STX1B: variants seen among roughly 807,000 people sequenced by gnomAD.
The protein encoded by STX1B is syntaxin-1B.
Under a neutral mutation model 39.4 loss-of-function variants are expected in STX1B, and 7 were observed. The ratio of observed to expected loss-of-function variants is 0.18; its 90% CI spans 0.10 to 0.33. STX1B has a LOEUF of 0.33. STX1B is among the 10% of genes least tolerant of loss of function. The pLI, the probability that STX1B is intolerant of heterozygous loss-of-function variation, is 1.00. For missense variants in STX1B, 198 were observed against 383.2 expected (o/e 0.52, Z 4.04); for synonymous variants, 136 against 144.1 (o/e 0.94, Z 0.40).
rs2056533907 is a variant in STX1B, at chr16:30,989,320, G to C, written c.*3501C>G. On this transcript the variant is annotated 3_prime_UTR_variant, in exon 10 of 10. Transcript: ENST00000215095. ...GGCCTGACCTGGCCCAGGGTGGGGT[G>C]GGGGGCTCTGGGGACAGGACATGCA... The C allele has an allele frequency of 6.6e-6, 1 of 152,256 alleles. No individual in the cohort carries two copies. The highest frequency in any genetic ancestry group is 2.4e-5 in the African/African-American group (1 of 41,422). The allele number at this position is 152,256 out of a possible 1,614,324, so 9.4% of individuals were successfully genotyped here.
intron 7 of STX1B, among the ~76,000 whole-genome samples, chr16:30,995,658 T>C (rs1351274966): frequency 6.6e-6 from 1 of 151,760 alleles, no homozygotes; most frequent in Non-Finnish European, 1.5e-5. Flanking sequence ...GCCCGGCTAA[T>C]TTTTGTATTT....
intron 1 of STX1B, among the ~76,000 whole-genome samples, chr16:31,005,821 C>T (rs1053686774): frequency 2.0e-5 from 3 of 152,152 alleles, no homozygotes; most frequent in African/African-American, 4.8e-5. Flanking sequence ...CCCCTGAGCC[C>T]CTTCCAGAAG....
At chr16:30,998,134 C>T (rs565214914) in intron 4 of STX1B, among the ~76,000 whole-genome samples, 6 of 152,212 alleles carry the variant, frequency 3.9e-5, no homozygotes, top group African/African-American at 9.6e-5. Flanking sequence ...AGGTGATCCC[C>T]GATCCGGGAA....
At chr16:30,997,188 G>C (rs2056598562) in intron 5 of STX1B, 129 bp from the exon 6 acceptor site, 1 of 690,658 alleles carries the variant, frequency 1.4e-6, no homozygotes, top group Non-Finnish European at 2.6e-6. Flanking sequence ...CGCTGAATTA[G>C]TTTACGGTCC....
chr16:31,004,077 C>T (rs377457156), intron 1 of STX1B, among the ~76,000 whole-genome samples: 4 of 152,310 alleles, frequency 2.6e-5, no homozygotes, highest in African/African-American at 7.2e-5. Context: ...TCTCAGTGAG[C>T]GCCTGCTAAG....
Position 30,997,596 on chromosome 16 carries a change from C to T in STX1B, c.281-21G>A, listed in dbSNP as rs747176493. On this transcript the variant is annotated intron_variant, in intron 4 of 9. Transcript: ENST00000215095. ...GATCGCTGCGGGAGAGAGGGCGCAG[C>T]GATGGGCGGGAGACCCGGGGCACAT... is the stretch of plus-strand genomic sequence containing the variant. 12 of 1,595,038 alleles carry T rather than the reference C, an allele frequency of 7.5e-6. No homozygotes were observed. The African/African-American group carries it at 1.1e-4, about 14-fold the overall frequency.
At chr16:30,992,969 C>T (rs1280252898) in intron 9 of STX1B, 68 bp from the exon 10 acceptor site, 3 of 1,417,124 alleles carry the variant, frequency 2.1e-6, no homozygotes, top group Non-Finnish European at 3.0e-6. Flanking sequence ...GATGCAGGGA[C>T]AGACAGGGCA....
Position 30,993,617 on chromosome 16 carries a change from G to A in STX1B, c.538-133C>T, listed in dbSNP as rs76676073. ...TAGGCACATTATTCACCTGCTCTTG[G>A]CCTCAGTTTCCCCACCTAGAAAATG... On this transcript the variant is annotated intron_variant, in intron 7 of 9. Coordinates refer to ENST00000215095, the MANE Select transcript of STX1B (RefSeq NM_052874.5). 6.1e-5 allele frequency: 62 copies of A among 1,015,534 alleles called. No homozygotes were observed. In the East Asian group the frequency reaches 1.5e-3, roughly 24 times the overall value. The allele number at this position is 1,015,534 out of a possible 1,614,324, so 62.9% of individuals were successfully genotyped here.
chr16:31,010,356 C>A lies in STX1B; in HGVS notation c.30+11G>T. 2.0e-6 allele frequency: 3 copies of A among 1,494,102 alleles called. No individual in the cohort carries two copies. Among genetic ancestry groups the A allele is most frequent in the East Asian group, 2.6e-5 (1 of 38,910 alleles). 92.6% of individuals were successfully genotyped at this position (1,494,102 alleles called of 1,614,324 possible). On this transcript the variant is annotated intron_variant, in intron 1 of 9. Transcript: ENST00000215095. ...GTCCCGCCCCCCCATTCTCCCCACC[C>A]CCAAGCTCACACTCCGCAGCTCTTG...
At chr16:30,996,397 C>T in intron 7 of STX1B, 1 of 334,716 alleles carries the variant, frequency 3.0e-6, no homozygotes. Context: ...GCCAGTTTTC[C>T]TCATCTGTGA....
At chr16:31,002,696 GAC>G (rs2056636875) in intron 1 of STX1B, among the ~76,000 whole-genome samples, 1 of 152,164 alleles carries the variant, frequency 6.6e-6, no homozygotes. Flanking sequence ...ACAGAGGTCT[GAC>G]AGCAAAATCT....
At position 31,001,684 on chromosome 16, in the gene STX1B, C is replaced by G; in HGVS notation, c.31-81G>C. On this transcript the variant is annotated intron_variant, in intron 1 of 9. Transcript: ENST00000215095. The surrounding 1 kb of genome is among the most constrained non-coding windows in gnomAD (Gnocchi z 5.5). Reference sequence around the variant, plus strand: ...GGCTCTCCAGCTCTCCCACCCTCTCCCTGCTATGCACACACAGGTGCTCCC... The same window carrying G: ...GGCTCTCCAGCTCTCCCACCCTCTCGCTGCTATGCACACACAGGTGCTCCC... 8.9e-7 allele frequency: 1 copy of G among 1,126,012 alleles called. No homozygotes were observed. Among genetic ancestry groups the G allele is most frequent in the Non-Finnish European group, 1.3e-6 (1 of 764,480 alleles). 69.8% of individuals were successfully genotyped at this position (1,126,012 alleles called of 1,614,324 possible).
rs750001673 is a variant in STX1B at position 30,996,928 on chromosome 16, C to A, written c.463+23G>T. ...TGGGCAGCCTCAAGGAGTTCGGGGTCCTGGGGTGGGGGGCACACGCACTGA... is the reference window on the plus strand; with the variant it reads ...TGGGCAGCCTCAAGGAGTTCGGGGTACTGGGGTGGGGGGCACACGCACTGA... On this transcript the variant is annotated intron_variant, in intron 6 of 9. Transcript: ENST00000215095. 3 of 1,603,910 alleles carry A rather than the reference C, an allele frequency of 1.9e-6. No individual in the cohort carries two copies. The South Asian group carries it at 3.3e-5, about 18-fold the overall frequency.
At chr16:31,005,906 G>A (rs1204852149) in intron 1 of STX1B, among the ~76,000 whole-genome samples, 3 of 152,008 alleles carry the variant, frequency 2.0e-5, no homozygotes, top group Non-Finnish European at 4.4e-5. Context: ...CTAAGTCCAG[G>A]TCTTCCACAC....
In STX1B at chr16:31,001,079, G is replaced by A. The variant is rs377715474; in HGVS notation, c.205+15C>T. 6.9e-5 allele frequency: 111 copies of A among 1,613,928 alleles called. No individual in the cohort carries two copies. The highest frequency in any genetic ancestry group is 8.0e-5 in the Non-Finnish European group (94 of 1,179,918). ...CTTCTCCTCCCACCCCACAGTCACCGGCAGCCACACTCACTCTCATCTGGG... is the reference window on the plus strand; with the variant it reads ...CTTCTCCTCCCACCCCACAGTCACCAGCAGCCACACTCACTCTCATCTGGG... On this transcript the variant is annotated intron_variant, in intron 3 of 9. Transcript: ENST00000215095. This position sits in a 1 kb window ranked among gnomAD's most constrained non-coding sequence, Gnocchi z 5.5.
intron 7 of STX1B, 144 bp from the exon 8 acceptor site, chr16:30,993,628 C>A: frequency 1.1e-6 from 1 of 927,224 alleles, no homozygotes; most frequent in Admixed American, 2.5e-5. Flanking sequence ...CCTCAGTTTC[C>A]CCACCTAGAA....
At chr16:30,999,406 G>T (rs535013389) in intron 4 of STX1B, among the ~76,000 whole-genome samples, 1 of 152,172 alleles carries the variant, frequency 6.6e-6, no homozygotes, top group Non-Finnish European at 1.5e-5. Flanking sequence ...AATGTGCCTC[G>T]GACATTGGAG....
At position 31,001,200 on chromosome 16, in the gene STX1B, C is replaced by A; in HGVS notation, c.106-7G>T. 6.2e-7 allele frequency: 1 copy of A among 1,613,034 alleles called. No homozygotes were observed. The highest frequency in any genetic ancestry group is 8.5e-7 in the Non-Finnish European group (1 of 1,179,904). The stretch of plus-strand genomic sequence containing the variant: ...AGCCCCGGATCTCTTCCACCTGGAG[C>A]AGAAAATCGGCTATACCCAGCCAAG... On this transcript the variant is annotated splice_region_variant and splice_polypyrimidine_tract_variant and intron_variant, in intron 2 of 9. Coordinates refer to ENST00000215095, the MANE Select transcript of STX1B (RefSeq NM_052874.5). The surrounding 1 kb of genome is among the most constrained non-coding windows in gnomAD (Gnocchi z 5.5).
rs1032752581 is a variant in STX1B, at chr16:30,992,643, G to A, written c.*178C>T. On this transcript the variant is annotated 3_prime_UTR_variant, in exon 10 of 10. Transcript: ENST00000215095. ...CTGCTGCGATCTACGTGCGGGGACG[G>A]GGGGGGGGTCCATGGCCCGGTGAGG... 1.9e-5 allele frequency: 5 copies of A among 264,958 alleles called. No individual in the cohort carries two copies. Among genetic ancestry groups the A allele is most frequent in the Admixed American group, 1.1e-4 (1 of 9,420 alleles). 16.4% of individuals were successfully genotyped at this position (264,958 alleles called of 1,614,324 possible).
Sources: gnomAD v4.1 joint callset for allele counts (sites outside exome capture counted in the v4.1 genomes callset) on GRCh38, gnomAD v4.1.1 for gene constraint, Gnocchi (gnomAD v3.1) non-coding constraint, MANE v1.5 for transcripts, NCBI Gene and HGNC (gene_info 2026-07-23, HGNC 2026-07-21) for gene names.